PLD5: variants seen among roughly 807,000 people sequenced by gnomAD.
PLD5 encodes inactive phospholipase D5.
Under a neutral mutation model 61.1 loss-of-function variants are expected in PLD5, and 36 were observed. The ratio of observed to expected loss-of-function variants is 0.59; its 90% CI spans 0.45 to 0.78. PLD5 has a LOEUF of 0.78. Ranked by LOEUF, PLD5 falls within the 30% of genes least tolerant of loss-of-function variation. PLD5 has a pLI of 0.00. For missense variants in PLD5, 515 were observed against 644.4 expected (o/e 0.80, Z 2.17); for synonymous variants, 243 against 242.8 (o/e 1.00, Z -0.01).
chr1:242,511,762 C>G (rs959603319), intron 1 of PLD5, among the ~76,000 whole-genome samples: 1 of 151,912 alleles, frequency 6.6e-6, no homozygotes, highest in Non-Finnish European at 1.5e-5. Flanking sequence ...TGGATGAGAT[C>G]CTGGAACAGA....
At chr1:242,157,203 C>T (rs1488048087) in intron 5 of PLD5, among the ~76,000 whole-genome samples, 1 of 152,192 alleles carries the variant, frequency 6.6e-6, no homozygotes, top group Non-Finnish European at 1.5e-5. Flanking sequence ...TCAGCTCCAT[C>T]AGGTCATCTA....
At chr1:242,238,123 T>C (rs932208550) in intron 4 of PLD5, among the ~76,000 whole-genome samples, 3 of 152,202 alleles carry the variant, frequency 2.0e-5, no homozygotes, top group Admixed American at 1.3e-4. Flanking sequence ...CAGACTGATA[T>C]ACTTCATATT....
At chr1:242,437,955 T>C (rs1291209630) in intron 1 of PLD5, among the ~76,000 whole-genome samples, 1 of 152,216 alleles carries the variant, frequency 6.6e-6, no homozygotes, top group East Asian at 1.9e-4. Flanking sequence ...AATGGTGCTA[T>C]CGTAGAGAAG....
chr1:242,163,204 C>A (rs913407693), intron 5 of PLD5, among the ~76,000 whole-genome samples: 2 of 147,632 alleles, frequency 1.4e-5, no homozygotes, highest in African/African-American at 5.1e-5. Context: ...AGTGCAGTGG[C>A]GCGATCTCGG....
At chr1:242,513,166 C>T (rs561758533) in intron 1 of PLD5, among the ~76,000 whole-genome samples, 2 of 152,330 alleles carry the variant, frequency 1.3e-5, no homozygotes, top group South Asian at 4.1e-4. Flanking sequence ...AGGCCTGAGT[C>T]ACCTGCACTC....
At position 242,179,937 on chromosome 1, in the gene PLD5, T is replaced by C. The variant is rs946843848; in HGVS notation, c.735+40051A>G. On this transcript the variant is annotated intron_variant, in intron 5 of 9. Transcript: ENST00000536534. ...CCAAAATTGAGTGTGTGTGTGTGTG[T>C]GTGTGTGTGTAGGGAGGACAGTTGA... Among the ~76,000 whole-genome samples, 16 of 152,088 alleles carry C rather than the reference T, an allele frequency of 1.1e-4. 1 individual carries two copies. The highest frequency in any genetic ancestry group is 9.8e-4 in the Admixed American group (15 of 15,282).
chr1:242,139,279 A>G (rs774753943), intron 5 of PLD5, among the ~76,000 whole-genome samples: 4 of 151,810 alleles, frequency 2.6e-5, no homozygotes, highest in Non-Finnish European at 4.4e-5. Flanking sequence ...TTCTTTTTCA[A>G]TTAGTAGCCT....
At chr1:242,318,723 C>A (rs190898925) in intron 2 of PLD5, among the ~76,000 whole-genome samples, 2 of 151,816 alleles carry the variant, frequency 1.3e-5, no homozygotes, top group African/African-American at 4.8e-5. Context: ...CTCCTAGGCT[C>A]AAGTGATCCT....
At chr1:242,197,377 T>C (rs1389407287) in intron 5 of PLD5, among the ~76,000 whole-genome samples, 1 of 152,212 alleles carries the variant, frequency 6.6e-6, no homozygotes, top group Non-Finnish European at 1.5e-5. Context: ...AAGTCCATGC[T>C]TCTCTGCATG....
intron 1 of PLD5, among the ~76,000 whole-genome samples, chr1:242,406,819 G>C (rs187489183): frequency 1.3e-4 from 20 of 152,272 alleles, no homozygotes; most frequent in Admixed American, 3.3e-4. Flanking sequence ...AGGTCGTCCT[G>C]GTTAGCTATC....
At chr1:242,101,275 C>A (rs1255318018) in intron 8 of PLD5, among the ~76,000 whole-genome samples, 4 of 151,458 alleles carry the variant, frequency 2.6e-5, no homozygotes, top group Non-Finnish European at 5.9e-5. Flanking sequence ...TCTGTCTGAA[C>A]ACCTAAGTCT....
chr1:242,142,714 T>TTCTC (rs35627694), intron 5 of PLD5, among the ~76,000 whole-genome samples: 1,571 of 90,040 alleles, frequency 0.017, 15 homozygotes, highest in African/African-American at 0.047. Flanking sequence ...AGCTGTGTCT[T>TTCTC]TCTCTCTCTC....
chr1:242,212,550 G>A (rs138486844), intron 5 of PLD5, among the ~76,000 whole-genome samples: 3 of 152,186 alleles, frequency 2.0e-5, no homozygotes, highest in African/African-American at 7.2e-5. Context: ...AAGCTAGCCT[G>A]CTGGGGATGG....
intron 5 of PLD5, among the ~76,000 whole-genome samples, chr1:242,197,337 T>C (rs1290844645): frequency 1.3e-5 from 2 of 152,184 alleles, no homozygotes; most frequent in East Asian, 3.9e-4. Flanking sequence ...GACTAAAACC[T>C]TTCAAAGGTT....
In PLD5 at chr1:242,459,447, G is replaced by A. The variant is rs146595092; in HGVS notation, c.189+64641C>T. Among the ~76,000 whole-genome samples the A allele has an allele frequency of 3.0e-3, 450 of 152,266 alleles. 2 individuals are homozygous for A. Among genetic ancestry groups the A allele is most frequent in the Middle Eastern group, 6.8e-3 (2 of 294 alleles). On this transcript the variant is annotated intron_variant, in intron 1 of 9. Coordinates refer to ENST00000536534, the MANE Select transcript of PLD5 (RefSeq NM_001372062.1). ...TCCACTATCGTTAATTTTGTTCTGT[G>A]TATAATTTGTGCTACTGGTTTATTG... is the stretch of plus-strand genomic sequence containing the variant.
At chr1:242,249,834 C>T (rs1235146107) in intron 4 of PLD5, among the ~76,000 whole-genome samples, 2 of 152,162 alleles carry the variant, frequency 1.3e-5, no homozygotes, top group Non-Finnish European at 2.9e-5. Context: ...TTTCAAATGC[C>T]ATTTTCAATG....
chr1:242,405,078 A>G (rs1256004127), intron 1 of PLD5, among the ~76,000 whole-genome samples: 1 of 151,662 alleles, frequency 6.6e-6, no homozygotes, highest in East Asian at 1.9e-4. Flanking sequence ...ATGGAGTTTC[A>G]CCAAGTTGAC....
intron 7 of PLD5, among the ~76,000 whole-genome samples, chr1:242,112,322 TGTA>T (rs1319785853): frequency 5.4e-5 from 5 of 93,382 alleles, no homozygotes; most frequent in South Asian, 4.5e-4. Context: ...TGTGTGTGTG[TGTA>T]TGTATGTATA....
At chr1:242,505,033 T>C (rs140273911) in intron 1 of PLD5, among the ~76,000 whole-genome samples, 3 of 152,306 alleles carry the variant, frequency 2.0e-5, no homozygotes, top group Non-Finnish European at 4.4e-5. Flanking sequence ...GGCATGTGCC[T>C]GTAGTCCTAG....
Sources: allele counts gnomAD v4.1 joint callset (sites outside exome capture counted in the v4.1 genomes callset), GRCh38; gene constraint gnomAD v4.1.1; transcripts MANE v1.5; gene names NCBI Gene and HGNC (gene_info 2026-07-23, HGNC 2026-07-21).